DKK3: variants seen among roughly 807,000 people sequenced by gnomAD.
DKK3 encodes dickkopf-related protein 3.
A neutral mutation model predicts 33.2 loss-of-function variants in DKK3; 22 were observed. That is an observed-to-expected ratio of 0.66 (90% CI 0.47 to 0.95). The LOEUF is 0.95. Ranked by LOEUF, DKK3 falls within the 40% of genes least tolerant of loss-of-function variation. The pLI, the probability that DKK3 is intolerant of heterozygous loss-of-function variation, is 0.00. For synonymous variants in DKK3, 194 were observed against 188.8 expected (o/e 1.03, Z -0.23); for missense variants, 398 against 458.4 (o/e 0.87, Z 1.20).
intron 3 of DKK3, among the ~76,000 whole-genome samples, chr11:11,981,316 T>C (rs1034910273): frequency 6.6e-6 from 1 of 152,164 alleles, no homozygotes; most frequent in Non-Finnish European, 1.5e-5. Context: ...AGCCAGGAGC[T>C]TGGGTGAAAA....
intron 3 of DKK3, among the ~76,000 whole-genome samples, chr11:11,973,431 T>C (rs1223710904): frequency 6.6e-6 from 1 of 152,154 alleles, no homozygotes; most frequent in Non-Finnish European, 1.5e-5. Context: ...GTCAAGGCCA[T>C]AGCCACTGAG....
At chr11:11,996,328 G>T (rs767974211) in intron 3 of DKK3, among the ~76,000 whole-genome samples, 2 of 152,166 alleles carry the variant, frequency 1.3e-5, no homozygotes, top group African/African-American at 2.4e-5. Context: ...AAAGAGCTCC[G>T]TGTCTCTGTA....
At chr11:11,969,973 CA>C (rs1460210530) in intron 3 of DKK3, among the ~76,000 whole-genome samples, 1 of 152,222 alleles carries the variant, frequency 6.6e-6, no homozygotes, top group African/African-American at 2.4e-5. Flanking sequence ...GAGTCTGAGC[CA>C]GAGCCCCAGC....
intron 3 of DKK3, among the ~76,000 whole-genome samples, chr11:11,972,678 C>T (rs1203287622): frequency 6.6e-6 from 1 of 152,160 alleles, no homozygotes; most frequent in East Asian, 1.9e-4. Flanking sequence ...GTGTCAGTGC[C>T]CTCCAAGCAC....
chr11:11,977,874 A>G (rs1847868630), intron 3 of DKK3, among the ~76,000 whole-genome samples: 1 of 152,130 alleles, frequency 6.6e-6, no homozygotes, highest in Non-Finnish European at 1.5e-5. Context: ...CAAAGTGGGG[A>G]ACCTCATGAG....
At position 11,975,139 on chromosome 11, in the gene DKK3, G is replaced by T. The variant is rs78666097; in HGVS notation, c.436-6652C>A. Among the ~76,000 whole-genome samples, 485 of 152,284 alleles carry T rather than the reference G, an allele frequency of 3.2e-3. 1 individual carries two copies. The highest frequency in any genetic ancestry group is 0.017 in the Middle Eastern group (5 of 294). On this transcript the variant is annotated intron_variant, in intron 3 of 6. Transcript: ENST00000683431. ...AGATTCCTGTTAAGTCGTCCTGTTT[G>T]GGGTACTTTGTGATGGCAGCCCTAG...
intron 6 of DKK3, among the ~76,000 whole-genome samples, chr11:11,965,171 G>C (rs12293417): frequency 0.039 from 5,998 of 152,278 alleles, 384 homozygotes; most frequent in African/African-American, 0.14. Flanking sequence ...GCCCAGGCTG[G>C]TCTTGAACTC....
At chr11:11,982,945 A>G (rs1308517992) in intron 3 of DKK3, among the ~76,000 whole-genome samples, 2 of 152,168 alleles carry the variant, frequency 1.3e-5, no homozygotes, top group African/African-American at 4.8e-5. Flanking sequence ...TCCTTCATTC[A>G]TGCAAGGGAA....
intron 3 of DKK3, among the ~76,000 whole-genome samples, chr11:11,987,331 TC>T (rs754876751): frequency 1.3e-5 from 2 of 152,178 alleles, no homozygotes; most frequent in Non-Finnish European, 2.9e-5. Flanking sequence ...AAAAGGAAAT[TC>T]CATGTCCACC....
In DKK3 at chr11:11,965,889, G is replaced by A. The variant is rs755521545; in HGVS notation, c.750C>T (p.Asp250=). ...LCHDPASRLL[D]LITWELEPDG... The stretch of plus-strand genomic sequence containing the variant: ...CAGGCTCTAGCTCCCAGGTGATGAG[G>A]TCCAGAAGCCGGCTGGCGGGGTCAT... The change falls in exon 6 of 7, where the codon GAC becomes GAT. Residue 250 remains aspartate (D), a synonymous_variant. Transcript: ENST00000683431. 8.1e-6 allele frequency: 13 copies of A among 1,614,044 alleles called. No individual in the cohort carries two copies. The highest frequency in any genetic ancestry group is 1.3e-5 in the African/African-American group (1 of 74,936).
At chr11:11,979,555 G>GC (rs1457042263) in intron 3 of DKK3, 2 of 152,228 alleles carry the variant, frequency 1.3e-5, no homozygotes, top group African/African-American at 4.8e-5. Context: ...CTCTATTCCT[G>GC]CCCAGCTCCT....
intron 1 of DKK3, among the ~76,000 whole-genome samples, chr11:12,004,895 T>A (rs972053832): frequency 6.6e-6 from 1 of 152,170 alleles, no homozygotes; most frequent in African/African-American, 2.4e-5. Context: ...AACGTTGATA[T>A]CATGTGTTTG....
chr11:11,994,604 A>G (rs992987903), intron 3 of DKK3: 1 of 152,124 alleles, frequency 6.6e-6, no homozygotes, highest in African/African-American at 2.4e-5. Flanking sequence ...GCCCCCAGCG[A>G]TTCCTCATCA....
intron 2 of DKK3, among the ~76,000 whole-genome samples, chr11:12,000,114 G>C (rs972652774): frequency 1.2e-4 from 18 of 152,212 alleles, no homozygotes; most frequent in Non-Finnish European, 1.5e-4. Flanking sequence ...AAGAATATAA[G>C]TTTTCCAAAT....
In DKK3 at chr11:11,983,509, C is replaced by G. The variant is rs910782206; in HGVS notation, c.436-15022G>C. Among the ~76,000 whole-genome samples the G allele has an allele frequency of 6.6e-5, 10 of 152,232 alleles. No homozygotes were observed. In the East Asian group the frequency reaches 1.9e-3, roughly 29 times the overall value. On this transcript the variant is annotated intron_variant, in intron 3 of 6. Transcript: ENST00000683431. ...GGCTGTGACCTGTAATCCCTCCTGA[C>G]ATATCACAAGTCTCCACTGGATGTC...
chr11:12,004,692 GAGTAGATATAAGAATTAAGGACCATGC>G (rs1393151911), intron 1 of DKK3, among the ~76,000 whole-genome samples: 2 of 152,206 alleles, frequency 1.3e-5, no homozygotes, highest in African/African-American at 4.8e-5. Context: ...CTACTTTGTT[GAGTAGATATAAGAATTAAGGACCATGC>G]AGTAGATATA....
intron 3 of DKK3, among the ~76,000 whole-genome samples, chr11:11,974,253 CA>C (rs1847785434): frequency 6.6e-6 from 1 of 152,258 alleles, no homozygotes; most frequent in Admixed American, 6.5e-5. Context: ...TAGAAAGCGC[CA>C]ACCAGTTGCC....
chr11:11,964,317 C>T lies in DKK3; in HGVS notation c.*147G>A. On this transcript the variant is annotated 3_prime_UTR_variant, in exon 7 of 7. Transcript: ENST00000683431. ...ACAGCCTGGGGGAGCTGAACAAATG[C>T]ACAACACCTCATGCTGTCAAGCCAG... The T allele has an allele frequency of 9.7e-7, 1 of 1,034,164 alleles. No individual in the cohort carries two copies. Among genetic ancestry groups the T allele is most frequent in the African/African-American group, 1.6e-5 (1 of 62,738 alleles). The allele number at this position is 1,034,164 out of a possible 1,614,324, so 64.1% of individuals were successfully genotyped here.
intron 5 of DKK3, 58 bp from the exon 6 acceptor site, chr11:11,966,023 G>A (rs1847586187): frequency 2.0e-6 from 3 of 1,534,664 alleles, no homozygotes; most frequent in Non-Finnish European, 2.6e-6. Context: ...GGGCTCCAAA[G>A]GGAGGGGCAA....
Sources: allele counts gnomAD v4.1 joint callset (sites outside exome capture counted in the v4.1 genomes callset), GRCh38; gene constraint gnomAD v4.1.1; transcripts MANE v1.5; gene names NCBI Gene and HGNC (gene_info 2026-07-23, HGNC 2026-07-21).